The following CCL11 variants were observed in gnomAD, a reference collection of about 807,000 sequenced individuals.
The protein encoded by CCL11 is C-C motif chemokine ligand 11.
Under a neutral mutation model 7.3 loss-of-function variants are expected in CCL11, and 7 were observed. That is an observed-to-expected ratio of 0.96 (90% CI 0.55 to 1.81). The LOEUF (loss-of-function observed/expected upper bound fraction) is 1.81. Among genes scored for constraint, CCL11 ranks in the 40% most tolerant of loss-of-function variants. The pLI, the probability that CCL11 is intolerant of heterozygous loss-of-function variation, is 0.00. For missense variants in CCL11, 132 were observed against 114.2 expected, an observed-to-expected ratio of 1.16 and a Z score of -0.71; for synonymous variants, 66 against 45.2, an observed-to-expected ratio of 1.46 and a Z score of -1.84.
Position 34,287,129 on chromosome 17 carries a change from C to T in CCL11, c.110C>T (p.Ala37Val), listed in dbSNP as rs201112720. The part of the protein sequence containing the change: ...SVPTTCCFNL[A>V]NRKIPLQRLE... The stretch of plus-strand genomic sequence containing the variant: ...CCAACCACCTGCTGCTTTAACCTGG[C>T]CAATAGGAAGATACCCCTTCAGCGA... The change falls in exon 2 of 3, where the codon GCC becomes GTC. Residue 37 changes from alanine to valine, a missense_variant. Coordinates refer to ENST00000305869, the MANE Select transcript of CCL11 (RefSeq NM_002986.3). 5 of 1,613,862 alleles carry T rather than the reference C, an allele frequency of 3.1e-6. No individual in the cohort carries two copies. The African/African-American group carries it at 4.0e-5, about 13-fold the overall frequency.
Position 34,287,602 on chromosome 17 carries a change from C to A in CCL11, c.206C>A (p.Ala69Asp), listed in dbSNP as rs151281297. The change falls in exon 3 of 3, where the codon GCC becomes GAC. Residue 69 changes from alanine (A) to aspartate (D), a missense_variant. Physicochemically the swap from Ala to Asp is moderately radical, Grantham distance 126. Transcript: ENST00000305869. Reference protein sequence around the residue: ...QKAVIFKTKLAKDICADPKKK... With the variant: ...QKAVIFKTKLDKDICADPKKK... ...TCCCACAGCTTCAAGACCAAACTGG[C>A]CAAGGATATCTGTGCCGACCCCAAG... 84 of 1,613,638 alleles carry A rather than the reference C, an allele frequency of 5.2e-5. No individual in the cohort carries two copies. Among genetic ancestry groups the A allele is most frequent in the Non-Finnish European group, 6.9e-5 (81 of 1,179,680 alleles).
rs941135808 is a variant in CCL11 at position 34,287,166 on chromosome 17, C to T, written c.147C>T (p.Tyr49=). The change falls in exon 2 of 3, where the codon TAC becomes TAT. Residue 49 remains tyrosine (Y), a synonymous_variant. Transcript: ENST00000305869. The part of the protein sequence containing the change: ...RKIPLQRLES[Y]RRITSGKCPQ... ...TACCCCTTCAGCGACTAGAGAGCTACAGGAGAATCACCAGTGGCAAATGTC... is the reference window on the plus strand; with the variant it reads ...TACCCCTTCAGCGACTAGAGAGCTATAGGAGAATCACCAGTGGCAAATGTC... 5.0e-6 allele frequency: 8 copies of T among 1,613,860 alleles called. No individual in the cohort carries two copies. The highest frequency in any genetic ancestry group is 1.3e-5 in the African/African-American group (1 of 74,914).
chr17:34,288,101 A>G lies in CCL11; in HGVS notation c.*411A>G, dbSNP rs1019109. ...AAATGGAAGTAAATGTTGTTTTAGG[A>G]ATACATAAAGTATGTGCATATTTTA... On this transcript the variant is annotated 3_prime_UTR_variant, in exon 3 of 3. Coordinates refer to ENST00000305869, the MANE Select transcript of CCL11 (RefSeq NM_002986.3). 23,667 of 152,738 alleles carry G rather than the reference A, an allele frequency of 0.15. 2,229 individuals are homozygous for G. Among genetic ancestry groups the G allele is most frequent in the Non-Finnish European group, 0.22 (15,019 of 68,372 alleles). The allele number at this position is 152,738 out of a possible 1,614,324, so 9.5% of individuals were successfully genotyped here. A position where few individuals can be genotyped will look rare whatever the true frequency, so the allele number is the denominator to read the frequency against.
rs1329259337 is a variant in CCL11, at chr17:34,287,816, AT to A, written c.*137del. Reference sequence around the variant, plus strand: ...GGCATGGGTTTTATTATATATATATATTTTTTTTTTTAAAAAAAAAACGTAT... The same window carrying A: ...GGCATGGGTTTTATTATATATATATATTTTTTTTTTAAAAAAAAAACGTAT... On this transcript the variant is annotated 3_prime_UTR_variant, in exon 3 of 3. Transcript: ENST00000305869. 8,644 of 298,220 alleles carry A rather than the reference AT, an allele frequency of 0.029. 316 individuals are homozygous for A. The highest frequency in any genetic ancestry group is 0.13 in the African/African-American group (4,703 of 35,666). The allele number at this position is 298,220 out of a possible 1,614,324, so 18.5% of individuals were successfully genotyped here.
chr17:34,287,075 T>A (rs758759953), intron 1 of CCL11, 21 bp from the exon 2 acceptor site: 1 of 1,517,996 alleles, frequency 6.6e-7, no homozygotes, highest in Non-Finnish European at 9.1e-7. Flanking sequence ...TCTCTGTTCA[T>A]TTTTTTTCCC....
In CCL11 at chr17:34,287,003, C is replaced by G. The variant is rs1597595108; in HGVS notation, c.77-93C>G. 4.7e-6 allele frequency: 4 copies of G among 859,998 alleles called. No individual in the cohort carries two copies. In the East Asian group the frequency reaches 9.9e-5, roughly 21 times the overall value. The allele number at this position is 859,998 out of a possible 1,614,324, so 53.3% of individuals were successfully genotyped here. A position where few individuals can be genotyped will look rare whatever the true frequency, so the allele number is the denominator to read the frequency against. ...ACCTCTCGCAATTCCTTGCTTTCTC[C>G]TAACTTCCTTTACAAAGTCATGCTT... On this transcript the variant is annotated intron_variant, in intron 1 of 2. Coordinates refer to ENST00000305869, the MANE Select transcript of CCL11 (RefSeq NM_002986.3).
At position 34,287,826 on chromosome 17, in the gene CCL11, TTA is replaced by T. The variant is rs1491203445; in HGVS notation, c.*137_*138del. The T allele has an allele frequency of 8.1e-3, 1,991 of 244,932 alleles. 18 individuals carry two copies. The highest frequency in any genetic ancestry group is 0.028 in the East Asian group (459 of 16,206). The allele number at this position is 244,932 out of a possible 1,614,324, so 15.2% of individuals were successfully genotyped here. On this transcript the variant is annotated 3_prime_UTR_variant, in exon 3 of 3. Transcript: ENST00000305869. ...TTATTATATATATATATTTTTTTTT[TTA>T]AAAAAAAAACGTATTGCATTTAATT... is the stretch of plus-strand genomic sequence containing the variant.
At position 34,287,205 on chromosome 17, in the gene CCL11, G is replaced by C; in HGVS notation, c.186G>C (p.Val62=). The change falls in exon 2 of 3, where the codon GTG becomes GTC. Residue 62 remains valine, a splice_region_variant and synonymous_variant. Transcript: ENST00000305869. ...ITSGKCPQKA[V]IFKTKLAKDI... is the part of the protein sequence containing the mutation. ...GTGGCAAATGTCCCCAGAAAGCTGT[G>C]ATGTAAGTAAATAAAGTTCACCCTC... 6.2e-7 allele frequency: 1 copy of C among 1,608,638 alleles called. No individual in the cohort carries two copies. The highest frequency in any genetic ancestry group is 1.1e-5 in the South Asian group (1 of 90,942).
In CCL11 at chr17:34,287,623, C is replaced by A. The variant is rs140496790; in HGVS notation, c.227C>A (p.Pro76His). 2.7e-4 allele frequency: 432 copies of A among 1,613,740 alleles called. No homozygotes were observed. Among genetic ancestry groups the A allele is most frequent in the Non-Finnish European group, 3.4e-4 (399 of 1,179,952 alleles). The change falls in exon 3 of 3, where the codon CCC becomes CAC. Residue 76 changes from proline (P) to histidine (H), a missense_variant. Pro to His is a moderately conservative substitution (Grantham distance 77). Coordinates refer to ENST00000305869, the MANE Select transcript of CCL11 (RefSeq NM_002986.3). The part of the protein sequence containing the change: ...TKLAKDICAD[P>H]KKKWVQDSMK... ...CTGGCCAAGGATATCTGTGCCGACC[C>A]CAAGAAGAAGTGGGTGCAGGATTCC...
chr17:34,285,812 A>C lies in CCL11; in HGVS notation c.4A>C (p.Lys2Gln), dbSNP rs549369948. 29 of 1,611,620 alleles carry C rather than the reference A, an allele frequency of 1.8e-5. No individual in the cohort carries two copies. The South Asian group carries it at 3.2e-4, about 18-fold the overall frequency. ...GCTCACACCTTCAGCCTCCAACATG[A>C]AGGTCTCCGCAGCACTTCTGTGGCT... Reference protein sequence around the residue: MKVSAALLWLLL... With the variant: MQVSAALLWLLL... Residue 2 changes from lysine to glutamine, a missense_variant, in exon 1 of 3, where the codon AAG becomes CAG. Lys to Gln is a moderately conservative substitution (Grantham distance 53, BLOSUM62 1). Transcript: ENST00000305869.
Position 34,285,823 on chromosome 17 carries a change from A to T in CCL11, c.15A>T (p.Ala5=), listed in dbSNP as rs757174131. Residue 5 remains alanine, a synonymous_variant, in exon 1 of 3, where the codon GCA becomes GCT. Transcript: ENST00000305869. Reference sequence around the variant, plus strand: ...CAGCCTCCAACATGAAGGTCTCCGCAGCACTTCTGTGGCTGCTGCTCATAG... The same window carrying T: ...CAGCCTCCAACATGAAGGTCTCCGCTGCACTTCTGTGGCTGCTGCTCATAG... MKVS[A]ALLWLLLIAA... is the part of the protein sequence containing the mutation. The T allele has an allele frequency of 7.4e-6, 12 of 1,612,964 alleles. No individual in the cohort carries two copies. The South Asian group carries it at 1.1e-4, about 15-fold the overall frequency.
rs1908607944 is a variant in CCL11, at chr17:34,285,755, C to G, written c.-54C>G. ...GGCCAGAGGAGCAGAGAGGCTGAGACCAACCCAGAAACCACCACCTCTCAC... is the reference window on the plus strand; with the variant it reads ...GGCCAGAGGAGCAGAGAGGCTGAGAGCAACCCAGAAACCACCACCTCTCAC... On this transcript the variant is annotated 5_prime_UTR_variant, in exon 1 of 3. Coordinates refer to ENST00000305869, the MANE Select transcript of CCL11 (RefSeq NM_002986.3). 2 of 1,424,108 alleles carry G rather than the reference C, an allele frequency of 1.4e-6. No individual in the cohort carries two copies. The highest frequency in any genetic ancestry group is 4.7e-5 in the East Asian group (2 of 42,898). 88.2% of individuals were successfully genotyped at this position (1,424,108 alleles called of 1,614,324 possible).
In CCL11 at chr17:34,287,190, T is replaced by C; in HGVS notation, c.171T>C (p.Cys57=). The C allele has an allele frequency of 6.2e-7, 1 of 1,613,054 alleles. No individual in the cohort carries two copies. The highest frequency in any genetic ancestry group is 8.5e-7 in the Non-Finnish European group (1 of 1,179,118). The part of the protein sequence containing the change: ...ESYRRITSGK[C]PQKAVIFKTK... ...ACAGGAGAATCACCAGTGGCAAATG[T>C]CCCCAGAAAGCTGTGATGTAAGTAA... Residue 57 remains cysteine (C), a synonymous_variant, in exon 2 of 3, where the codon TGT becomes TGC. Transcript: ENST00000305869.
Position 34,287,152 on chromosome 17 carries a change from C to A in CCL11, c.133C>A (p.Arg45=), listed in dbSNP as rs200085641. ...NLANRKIPLQ[R]LESYRRITSG... Reference sequence around the variant, plus strand: ...GGCCAATAGGAAGATACCCCTTCAGCGACTAGAGAGCTACAGGAGAATCAC... The same window carrying A: ...GGCCAATAGGAAGATACCCCTTCAGAGACTAGAGAGCTACAGGAGAATCAC... The change falls in exon 2 of 3, where the codon CGA becomes AGA. Residue 45 remains arginine (R), a synonymous_variant. Coordinates refer to ENST00000305869, the MANE Select transcript of CCL11 (RefSeq NM_002986.3). The A allele has an allele frequency of 6.2e-6, 10 of 1,613,816 alleles. No homozygotes were observed. Among genetic ancestry groups the A allele is most frequent in the Non-Finnish European group, 8.5e-6 (10 of 1,179,888 alleles).
rs1395373560 is a variant in CCL11 at position 34,287,685 on chromosome 17, C to T, written c.289C>T (p.Pro97Ser). ...YLDQKSPTPK[P>S] ...GGACCAAAAATCTCCAACTCCAAAG[C>T]CATAAATAATCACCATTTTTGAAAC... Residue 97 changes from proline to serine, a missense_variant, in exon 3 of 3, where the codon CCA becomes TCA. Physicochemically the swap from Pro to Ser is moderately conservative, Grantham distance 74. Transcript: ENST00000305869. 2 of 1,608,388 alleles carry T rather than the reference C, an allele frequency of 1.2e-6. No homozygotes were observed. Among genetic ancestry groups the T allele is most frequent in the South Asian group, 2.2e-5 (2 of 90,916 alleles).
In CCL11 at chr17:34,285,788, C is replaced by T; in HGVS notation, c.-21C>T. On this transcript the variant is annotated 5_prime_UTR_variant, in exon 1 of 3. Coordinates refer to ENST00000305869, the MANE Select transcript of CCL11 (RefSeq NM_002986.3). ...GAAACCACCACCTCTCACGCCAAAG[C>T]TCACACCTTCAGCCTCCAACATGAA... 1 of 1,602,104 alleles carries T rather than the reference C, an allele frequency of 6.2e-7. No homozygotes were observed. The highest frequency in any genetic ancestry group is 8.5e-7 in the Non-Finnish European group (1 of 1,172,782).
Position 34,285,865 on chromosome 17 carries a change from C to A in CCL11, c.57C>A (p.Pro19=), listed in dbSNP as rs773869985. 1 of 1,612,088 alleles carries A rather than the reference C, an allele frequency of 6.2e-7. No homozygotes were observed. Among genetic ancestry groups the A allele is most frequent in the South Asian group, 1.1e-5 (1 of 90,796 alleles). ...TGCTCATAGCAGCTGCCTTCAGCCC[C>A]CAGGGGCTCGCTGGGCCAGGTAAGC... ...WLLLIAAAFS[P]QGLAGPASVP... is the part of the protein sequence containing the mutation. Residue 19 remains proline, a synonymous_variant, in exon 1 of 3, where the codon CCC becomes CCA. Coordinates refer to ENST00000305869, the MANE Select transcript of CCL11 (RefSeq NM_002986.3).
At chr17:34,286,297 T>C (rs548983674) in intron 1 of CCL11, among the ~76,000 whole-genome samples, 1 of 152,284 alleles carries the variant, frequency 6.6e-6, no homozygotes, top group Non-Finnish European at 1.5e-5. Context: ...CAGGGGGATC[T>C]CTTGAGGTGA....
At chr17:34,286,335 A>G (rs1597594894) in intron 1 of CCL11, among the ~76,000 whole-genome samples, 1 of 152,206 alleles carries the variant, frequency 6.6e-6, no homozygotes, top group African/African-American at 2.4e-5. Flanking sequence ...TGGGAAAGTT[A>G]TCTAGGAGAT....
Sources: allele counts gnomAD v4.1 joint callset (sites outside exome capture counted in the v4.1 genomes callset), GRCh38; gene constraint gnomAD v4.1.1; transcripts MANE v1.5; gene names NCBI Gene and HGNC (gene_info 2026-07-23, HGNC 2026-07-21).